PCDH15: variants seen among roughly 807,000 people sequenced by gnomAD.
PCDH15 encodes protocadherin-15.
A neutral mutation model predicts 178.5 loss-of-function variants in PCDH15; 129 were observed. That is an observed-to-expected ratio of 0.72 (90% CI 0.63 to 0.84). The LOEUF is 0.84. Among genes scored for constraint, PCDH15 ranks in the 40% least tolerant of loss-of-function variants. The pLI is 0.00. For missense variants in PCDH15, 2,230 were observed against 2,099.9 expected, an observed-to-expected ratio of 1.06 and a Z score of -1.21; for synonymous variants, 800 against 732.0, an observed-to-expected ratio of 1.09 and a Z score of -1.50.
At chr10:54,610,602 C>T (rs545081901) in intron 2 of PCDH15, among the ~76,000 whole-genome samples, 1 of 151,858 alleles carries the variant, frequency 6.6e-6, no homozygotes, top group Non-Finnish European at 1.5e-5. Context: ...CTTTTCTCTC[C>T]TGCTTTCTAT....
At chr10:55,357,783 T>A (rs934806478) in intron 2 of PCDH15, among the ~76,000 whole-genome samples, 1 of 152,060 alleles carries the variant, frequency 6.6e-6, no homozygotes, top group African/African-American at 2.4e-5. Context: ...GTGGTATTTG[T>A]CTGAGCTTTG....
At chr10:53,920,842 G>A (rs2133874086) in intron 25 of PCDH15, among the ~76,000 whole-genome samples, 1 of 152,148 alleles carries the variant, frequency 6.6e-6, no homozygotes, top group Non-Finnish European at 1.5e-5. Context: ...TAGGTATATT[G>A]GATTTACTCG....
At chr10:54,615,680 G>A (rs2093119696) in intron 2 of PCDH15, among the ~76,000 whole-genome samples, 1 of 141,414 alleles carries the variant, frequency 7.1e-6, no homozygotes, top group Admixed American at 7.4e-5. Flanking sequence ...CATAAACTAG[G>A]AATGACAAAA....
At chr10:54,934,341 T>C (rs192110594) in intron 2 of PCDH15, among the ~76,000 whole-genome samples, 42 of 152,272 alleles carry the variant, frequency 2.8e-4, no homozygotes, top group African/African-American at 7.9e-4. Flanking sequence ...AGATATTATG[T>C]TAATAGTTAT....
intron 14 of PCDH15, among the ~76,000 whole-genome samples, chr10:54,138,782 G>T (rs2043115093): frequency 6.6e-6 from 1 of 152,158 alleles, no homozygotes; most frequent in Admixed American, 6.5e-5. Flanking sequence ...TCAAGAAAGT[G>T]TGGCTATGTA....
intron 26 of PCDH15, among the ~76,000 whole-genome samples, chr10:53,879,985 ATGATAAGC>A (rs1393958661): frequency 6.6e-6 from 1 of 152,204 alleles, no homozygotes; most frequent in Admixed American, 6.6e-5. Flanking sequence ...AATTTGCTTC[ATGATAAGC>A]TGATAAATCC....
intron 3 of PCDH15, among the ~76,000 whole-genome samples, chr10:54,498,740 A>G (rs2080361469): frequency 6.6e-6 from 1 of 152,192 alleles, no homozygotes; most frequent in Non-Finnish European, 1.5e-5. Context: ...AGAAGACTTA[A>G]CTATCTGTAA....
intron 3 of PCDH15, among the ~76,000 whole-genome samples, chr10:54,840,245 A>G (rs747754742): frequency 2.1e-4 from 32 of 152,070 alleles, no homozygotes; most frequent in Non-Finnish European, 4.6e-4. Context: ...AACTACAACT[A>G]CAATCATTTT....
chr10:54,091,969 C>G (rs1358428869), intron 15 of PCDH15, among the ~76,000 whole-genome samples: 2 of 152,132 alleles, frequency 1.3e-5, no homozygotes, highest in East Asian at 3.8e-4. Flanking sequence ...ATCCAATTGC[C>G]TACATGGATC....
upstream of PCDH15, among the ~76,000 whole-genome samples, chr10:55,319,924 T>C (rs1843844448): frequency 6.6e-6 from 1 of 152,156 alleles, no homozygotes; most frequent in East Asian, 1.9e-4. Flanking sequence ...AGGGGTACTG[T>C]TGGATCTGAA....
intron 2 of PCDH15, among the ~76,000 whole-genome samples, chr10:55,437,832 C>CTT (rs778307616): frequency 0.074 from 6,297 of 85,056 alleles, 406 homozygotes; most frequent in African/African-American, 0.15. Flanking sequence ...TATTGCTTTT[C>CTT]TTTTTTTTTT....
intron 2 of PCDH15, among the ~76,000 whole-genome samples, chr10:54,590,907 A>G (rs1406357262): frequency 1.3e-5 from 2 of 152,304 alleles, no homozygotes; most frequent in South Asian, 2.1e-4. Context: ...CTGTTACCTC[A>G]TTTGGGAAGG....
intron 6 of PCDH15, among the ~76,000 whole-genome samples, chr10:54,342,231 A>G (rs759601718): frequency 6.6e-6 from 1 of 152,148 alleles, no homozygotes; most frequent in Non-Finnish European, 1.5e-5. Flanking sequence ...ACAGGCCTGG[A>G]GGCCTAGGAG....
chr10:54,552,561 G>A (rs1007675443), intron 2 of PCDH15, among the ~76,000 whole-genome samples: 10 of 152,202 alleles, frequency 6.6e-5, no homozygotes, highest in African/African-American at 2.4e-4. Flanking sequence ...CTCCTCCTTT[G>A]TTTTGGGAAA....
At chr10:53,818,656 T>C (rs2076148488) in intron 33 of PCDH15, among the ~76,000 whole-genome samples, 1 of 152,118 alleles carries the variant, frequency 6.6e-6, no homozygotes, top group South Asian at 2.1e-4. Context: ...CGTTTGACTA[T>C]ACTTGAGGGG....
chr10:55,350,299 A>T (rs957099613), intron 2 of PCDH15, among the ~76,000 whole-genome samples: 1 of 145,734 alleles, frequency 6.9e-6, no homozygotes, highest in Admixed American at 6.9e-5. Flanking sequence ...ACATACACAC[A>T]CAAACATACA....
At chr10:54,559,431 C>G (rs1013045811) in intron 2 of PCDH15, among the ~76,000 whole-genome samples, 7 of 151,896 alleles carry the variant, frequency 4.6e-5, no homozygotes, top group Non-Finnish European at 1.0e-4. Context: ...ACAAGGTATT[C>G]CACAATAATT....
chr10:54,188,408 G>A (rs150307828), intron 11 of PCDH15, among the ~76,000 whole-genome samples: 12 of 151,916 alleles, frequency 7.9e-5, no homozygotes, highest in African/African-American at 2.6e-4. Flanking sequence ...GGTAGCTGTT[G>A]TGTCTATAAG....
intron 2 of PCDH15, among the ~76,000 whole-genome samples, chr10:55,511,035 T>TTTGG (rs1565209496): frequency 7.1e-6 from 1 of 141,054 alleles, no homozygotes; most frequent in Non-Finnish European, 1.5e-5. Context: ...AATTTGTTTT[T>TTTGG]TTTGTTTGTT....
Sources: gnomAD v4.1 joint callset for allele counts (sites outside exome capture counted in the v4.1 genomes callset) on GRCh38, gnomAD v4.1.1 for gene constraint, MANE v1.5 for transcripts, NCBI Gene and HGNC (gene_info 2026-07-23, HGNC 2026-07-21) for gene names.